Variants in LCLAT1 observed in about 807,000 individuals in gnomAD.
LCLAT1 encodes lysocardiolipin acyltransferase 1.
LCLAT1 carries 11 observed loss-of-function variants against 30.7 expected under a neutral mutation model. That is an observed-to-expected ratio of 0.36 (90% CI 0.23 to 0.59). The LOEUF (loss-of-function observed/expected upper bound fraction) is 0.59, where lower values mean the gene tolerates loss of function less well. Ranked by LOEUF, LCLAT1 falls within the 20% of genes least tolerant of loss-of-function variation. The pLI, the probability that LCLAT1 is intolerant of heterozygous loss-of-function variation, is 0.77. For missense variants in LCLAT1, 402 were observed against 458.6 expected, an observed-to-expected ratio of 0.88 and a Z score of 1.13; for synonymous variants, 155 against 151.3, an observed-to-expected ratio of 1.02 and a Z score of -0.18.
Position 30,512,061 on chromosome 2 carries a change from ATGT to A in LCLAT1, c.-4-13521_-4-13519del, listed in dbSNP as rs1250129509. Among the ~76,000 whole-genome samples, 7 of 152,120 alleles carry A rather than the reference ATGT, an allele frequency of 4.6e-5. No homozygotes were observed. The East Asian group carries it at 9.7e-4, about 21-fold the overall frequency. On this transcript the variant is annotated intron_variant, in intron 1 of 5. Transcript: ENST00000379509. ...GGCTTTCTGCTTTCCAGCTTTTAAA[ATGT>A]TGTTCTTTTTTTGGTTATTCTTTGT...
chr2:30,569,155 C>T (rs1665656817), intron 5 of LCLAT1, among the ~76,000 whole-genome samples: 1 of 152,102 alleles, frequency 6.6e-6, no homozygotes, highest in Non-Finnish European at 1.5e-5. Context: ...CCTTCTTCTG[C>T]TTCCTAATTT....
chr2:30,516,711 T>G (rs1192567923), intron 1 of LCLAT1, among the ~76,000 whole-genome samples: 1 of 152,210 alleles, frequency 6.6e-6, no homozygotes, highest in Non-Finnish European at 1.5e-5. Flanking sequence ...CAGTAACATC[T>G]GGTGGCCTGT....
intron 5 of LCLAT1, among the ~76,000 whole-genome samples, chr2:30,593,179 GCTTGA>G (rs1381473352): frequency 2.0e-5 from 3 of 152,046 alleles, no homozygotes; most frequent in Non-Finnish European, 4.4e-5. Flanking sequence ...GTCTCTCTGT[GCTTGA>G]CTTATTTTAA....
chr2:30,610,820 C>A (rs1558554656), intron 5 of LCLAT1, among the ~76,000 whole-genome samples: 3 of 152,148 alleles, frequency 2.0e-5, no homozygotes, highest in Middle Eastern at 3.4e-3. Flanking sequence ...ACAAGTAAAT[C>A]ATAGATATAT....
chr2:30,531,357 A>G (rs1685976850), intron 2 of LCLAT1, among the ~76,000 whole-genome samples: 1 of 152,206 alleles, frequency 6.6e-6, no homozygotes, highest in South Asian at 2.1e-4. Context: ...TCTTCCATGT[A>G]GGTATTTCAC....
chr2:30,567,949 T>G (rs1665568292), intron 4 of LCLAT1, 111 bp from the exon 5 acceptor site: 1 of 614,572 alleles, frequency 1.6e-6, no homozygotes, highest in Non-Finnish European at 2.9e-6. Flanking sequence ...TATTCAGTAA[T>G]TAGAGAATAA....
At position 30,640,540 on chromosome 2, in the gene LCLAT1, G is replaced by A. The variant is rs1323589027; in HGVS notation, c.1052G>A (p.Gly351Asp). 2 of 1,614,012 alleles carry A rather than the reference G, an allele frequency of 1.2e-6. No individual in the cohort carries two copies. The highest frequency in any genetic ancestry group is 1.1e-5 in the South Asian group (1 of 91,026). The change falls in exon 6 of 6, where the codon GGT becomes GAT. Residue 351 changes from glycine (G) to aspartate (D), a missense_variant. Gly to Asp is a moderately conservative substitution (Grantham distance 94). Transcript: ENST00000379509. ...VIFVLQERIFGGLEIIELACY... is the reference protein window; with the variant it reads ...VIFVLQERIFDGLEIIELACY... The stretch of plus-strand genomic sequence containing the variant: ...TTTGTGCTGCAAGAGAGAATATTTG[G>A]TGGACTGGAGATCATAGAACTTGCA...
At chr2:30,534,240 TGTGTGTGTGTGTG>T (rs1558502646) in intron 3 of LCLAT1, among the ~76,000 whole-genome samples, 4 of 148,616 alleles carry the variant, frequency 2.7e-5, no homozygotes, top group African/African-American at 7.5e-5. Flanking sequence ...TGTGTGTGTG[TGTGTGTGTGTGTG>T]TGTGTGTGTG....
intron 3 of LCLAT1, among the ~76,000 whole-genome samples, chr2:30,548,051 T>G (rs1294921153): frequency 6.6e-6 from 1 of 152,172 alleles, no homozygotes; most frequent in East Asian, 1.9e-4. Context: ...TTTAGATATA[T>G]AACAGATTAT....
chr2:30,604,893 T>C (rs1667360472), intron 5 of LCLAT1, among the ~76,000 whole-genome samples: 1 of 152,182 alleles, frequency 6.6e-6, no homozygotes, highest in Admixed American at 6.5e-5. Context: ...AATAAGAGCA[T>C]TTCTACAAAT....
chr2:30,455,898 A>G (rs1681810125), intron 1 of LCLAT1, among the ~76,000 whole-genome samples: 1 of 112,014 alleles, frequency 8.9e-6, no homozygotes, highest in South Asian at 3.2e-4. Context: ...TGACGGAGTG[A>G]GACCCTATAT....
intron 1 of LCLAT1, among the ~76,000 whole-genome samples, chr2:30,503,288 A>T (rs979622100): frequency 6.6e-6 from 1 of 152,156 alleles, no homozygotes; most frequent in Non-Finnish European, 1.5e-5. Flanking sequence ...TGTTTTGGCC[A>T]GTAGGGTTGT....
chr2:30,597,980 A>T (rs1328732153), intron 5 of LCLAT1, among the ~76,000 whole-genome samples: 1 of 152,202 alleles, frequency 6.6e-6, no homozygotes, highest in Non-Finnish European at 1.5e-5. Flanking sequence ...CTTGCATCCC[A>T]GGGATGAAGC....
At chr2:30,563,761 A>T (rs1315569965) in intron 4 of LCLAT1, among the ~76,000 whole-genome samples, 1 of 152,234 alleles carries the variant, frequency 6.6e-6, no homozygotes, top group Non-Finnish European at 1.5e-5. Context: ...ATTATTACAA[A>T]AGAGAGTTCA....
intron 5 of LCLAT1, among the ~76,000 whole-genome samples, chr2:30,628,104 G>T (rs1486366810): frequency 1.3e-5 from 2 of 152,066 alleles, no homozygotes; most frequent in Non-Finnish European, 2.9e-5. Flanking sequence ...CCCTATTCTA[G>T]CAGTGATTAC....
intron 1 of LCLAT1, among the ~76,000 whole-genome samples, chr2:30,504,725 T>C (rs775213187): frequency 1.3e-5 from 2 of 152,146 alleles, no homozygotes; most frequent in Non-Finnish European, 2.9e-5. Flanking sequence ...CCTTCTTTCC[T>C]TTTAACCCTA....
chr2:30,634,210 C>T (rs1204654102), intron 5 of LCLAT1, among the ~76,000 whole-genome samples: 1 of 152,206 alleles, frequency 6.6e-6, no homozygotes, highest in Non-Finnish European at 1.5e-5. Flanking sequence ...TAACACAGTG[C>T]TGGCTTTATA....
intron 1 of LCLAT1, among the ~76,000 whole-genome samples, chr2:30,506,652 A>C (rs1684674442): frequency 6.6e-6 from 1 of 152,196 alleles, no homozygotes; most frequent in Non-Finnish European, 1.5e-5. Flanking sequence ...AAACAAATAC[A>C]GTTCTCATTG....
chr2:30,568,910 C>T (rs1191539589), intron 5 of LCLAT1, among the ~76,000 whole-genome samples: 1 of 132,536 alleles, frequency 7.5e-6, no homozygotes, highest in Non-Finnish European at 1.6e-5. Context: ...ATCACTTAAA[C>T]TAACCATATG....
Sources: allele counts gnomAD v4.1 joint callset (sites outside exome capture counted in the v4.1 genomes callset), GRCh38; gene constraint gnomAD v4.1.1; transcripts MANE v1.5; gene names NCBI Gene and HGNC (gene_info 2026-07-23, HGNC 2026-07-21).